Variants in PPP2R2B observed in about 807,000 individuals in gnomAD.
PPP2R2B encodes serine/threonine-protein phosphatase 2A 55 kDa regulatory subunit B beta isoform.
Under a neutral mutation model 46.0 loss-of-function variants are expected in PPP2R2B, and 5 were observed. The ratio of observed to expected loss-of-function variants is 0.11; its 90% confidence interval spans 0.06 to 0.23. The LOEUF (loss-of-function observed/expected upper bound fraction) is 0.23, where lower values mean the gene tolerates loss of function less well. Ranked by LOEUF, PPP2R2B falls within the 10% of genes least tolerant of loss-of-function variation. The probability of loss-of-function intolerance (pLI) is 1.00; values close to 1 mark genes in which losing one functional copy is unlikely to be tolerated. For synonymous variants in PPP2R2B, 215 were observed against 206.7 expected, an observed-to-expected ratio of 1.04 and a Z score of -0.34; for missense variants, 367 against 575.0, an observed-to-expected ratio of 0.64 and a Z score of 3.70.
At chr5:147,018,573 G>A (rs963983191) in intron 1 of PPP2R2B, among the ~76,000 whole-genome samples, 2 of 152,148 alleles carry the variant, frequency 1.3e-5, no homozygotes, top group Admixed American at 1.3e-4. Flanking sequence ...GAAATGTTAT[G>A]TATCTAGATT....
intron 1 of PPP2R2B, among the ~76,000 whole-genome samples, chr5:146,934,304 T>A (rs1205988104): frequency 6.6e-6 from 1 of 151,362 alleles, no homozygotes; most frequent in East Asian, 1.9e-4. Context: ...ACCAACAGTG[T>A]AAAAGTGTTC....
chr5:146,600,201 G>T, intron 8 of PPP2R2B, 90 bp downstream of exon 8: 1 of 1,377,812 alleles, frequency 7.3e-7, no homozygotes, highest in Non-Finnish European at 1.0e-6. Context: ...CTTCCATTTT[G>T]CTGCACTGTA....
intron 1 of PPP2R2B, among the ~76,000 whole-genome samples, chr5:147,018,450 A>T (rs1215313932): frequency 6.6e-6 from 1 of 152,196 alleles, no homozygotes; most frequent in Admixed American, 6.5e-5. Context: ...TCTCTTTAAA[A>T]GATCTCATTT....
intron 1 of PPP2R2B, among the ~76,000 whole-genome samples, chr5:146,922,744 T>G (rs1037071140): frequency 5.9e-5 from 9 of 152,160 alleles, no homozygotes; most frequent in African/African-American, 2.2e-4. Context: ...CTGGGTGGTT[T>G]AAGCCCATCA....
chr5:146,874,883 C>G (rs1162766421), intron 2 of PPP2R2B, among the ~76,000 whole-genome samples: 1 of 152,126 alleles, frequency 6.6e-6, no homozygotes, highest in Non-Finnish European at 1.5e-5. Context: ...CAACCCTACC[C>G]AAGGCCCTTC....
intron 1 of PPP2R2B, among the ~76,000 whole-genome samples, chr5:147,036,335 G>A (rs1389137818): frequency 1.3e-5 from 2 of 152,130 alleles, no homozygotes; most frequent in East Asian, 3.9e-4. Flanking sequence ...TCCCTGAAAA[G>A]GACATGATCT....
At chr5:147,068,900 G>A (rs951911293) in intron 2 of PPP2R2B, among the ~76,000 whole-genome samples, 4 of 152,154 alleles carry the variant, frequency 2.6e-5, no homozygotes, top group Non-Finnish European at 5.9e-5. Flanking sequence ...AAACGACTGT[G>A]CCATAATTTT....
upstream of PPP2R2B, among the ~76,000 whole-genome samples, chr5:146,880,839 C>G (rs1762142889): frequency 6.6e-6 from 1 of 152,152 alleles, no homozygotes; most frequent in Admixed American, 6.5e-5. Flanking sequence ...AGGCATTTTT[C>G]CTAAGACACA....
In PPP2R2B at chr5:146,585,698, G is replaced by GGAGATAAT. The variant is rs900456037; in HGVS notation, c.*4241_*4248dup. 2.0e-5 allele frequency: 3 copies of GGAGATAAT among 152,296 alleles called. No homozygotes were observed. The highest frequency in any genetic ancestry group is 7.2e-5 in the African/African-American group (3 of 41,560). 9.4% of individuals were successfully genotyped at this position (152,296 alleles called of 1,614,324 possible). Reference sequence around the variant, plus strand: ...TAATGCCACCATGGGGTCTGGGAGAGGAGATAATGAGATGAGGCATGGAAA... The same window carrying GGAGATAAT: ...TAATGCCACCATGGGGTCTGGGAGAGGAGATAATGAGATAATGAGATGAGGCATGGAAA... On this transcript the variant is annotated 3_prime_UTR_variant, in exon 10 of 10. Transcript: ENST00000394411.
intron 2 of PPP2R2B, among the ~76,000 whole-genome samples, chr5:147,077,307 CA>C (rs1561616432): frequency 1.7e-3 from 231 of 138,820 alleles, no homozygotes; most frequent in Middle Eastern, 7.4e-3. Context: ...CACACACACA[CA>C]CACCCACACC....
At chr5:146,888,811 C>T (rs1762406724) in intron 1 of PPP2R2B, among the ~76,000 whole-genome samples, 1 of 152,166 alleles carries the variant, frequency 6.6e-6, no homozygotes, top group South Asian at 2.1e-4. Flanking sequence ...TCTTATGTTC[C>T]CTCTCTTTCA....
At position 146,943,545 on chromosome 5, in the gene PPP2R2B, G is replaced by T. The variant is rs146332113; in HGVS notation, c.79+112120C>A. The stretch of plus-strand genomic sequence containing the variant: ...GTTAATCTTGACTCCATTTTAATGT[G>T]TTTTCTTTAAATTGCAATCTTGGCA... On this transcript the variant is annotated intron_variant, in intron 1 of 8. Transcript: ENST00000336640. Among the ~76,000 whole-genome samples, 200 of 152,214 alleles carry T rather than the reference G, an allele frequency of 1.3e-3. 1 individual carries two copies. Among genetic ancestry groups the T allele is most frequent in the Middle Eastern group, 3.4e-3 (1 of 294 alleles).
intron 7 of PPP2R2B, chr5:146,607,157 T>C (rs1772370753): frequency 6.6e-6 from 1 of 152,186 alleles, no homozygotes; most frequent in Non-Finnish European, 1.5e-5. Context: ...ATTTTTACTA[T>C]ACAGAAGACA....
rs542251663 is a variant in PPP2R2B at position 146,838,170 on chromosome 5, T to G, written c.70+39832A>C. Among the ~76,000 whole-genome samples the G allele has an allele frequency of 2.0e-5, 3 of 152,280 alleles. No individual in the cohort carries two copies. In the South Asian group the frequency reaches 6.2e-4, roughly 32 times the overall value. On this transcript the variant is annotated intron_variant, in intron 2 of 9. Transcript: ENST00000394411. ...ACCCTGTGTTGGTATTTGCATATAG[T>G]CTCTAATACTTATATTGTGACAAAC...
Position 147,040,641 on chromosome 5 carries a change from G to A in PPP2R2B, c.79+15024C>T, listed in dbSNP as rs1015798209. The A allele has an allele frequency of 6.0e-5, 23 of 385,348 alleles. 1 individual carries two copies. The Middle Eastern group carries it at 1.1e-3, about 18-fold the overall frequency. The allele number at this position is 385,348 out of a possible 1,614,324, so 23.9% of individuals were successfully genotyped here. On this transcript the variant is annotated intron_variant, in intron 1 of 8. Transcript: ENST00000336640. The stretch of plus-strand genomic sequence containing the variant: ...CTTAGTGATGCTTCAGGGGCTCAGT[G>A]TGAGCAAACATGTAACATATACCCT...
chr5:147,061,286 G>A (rs1246534369), intron 2 of PPP2R2B, among the ~76,000 whole-genome samples: 1 of 152,108 alleles, frequency 6.6e-6, no homozygotes, highest in African/African-American at 2.4e-5. Context: ...AGTGGGACAT[G>A]GATTAGAGAG....
At chr5:146,686,078 C>A (rs572720164) in intron 5 of PPP2R2B, among the ~76,000 whole-genome samples, 34 of 152,178 alleles carry the variant, frequency 2.2e-4, no homozygotes, top group Admixed American at 5.2e-4. Flanking sequence ...CCAGCTCTTC[C>A]GTTTTCTAGC....
chr5:146,916,161 C>T (rs1763377097), intron 1 of PPP2R2B, among the ~76,000 whole-genome samples: 1 of 152,250 alleles, frequency 6.6e-6, no homozygotes. Context: ...TGTTTTGAAA[C>T]ACCACATTAC....
intron 2 of PPP2R2B, among the ~76,000 whole-genome samples, chr5:146,821,723 T>A (rs1354727892): frequency 6.6e-6 from 1 of 151,218 alleles, no homozygotes; most frequent in African/African-American, 2.4e-5. Context: ...TAAGACTCAA[T>A]AAAATGGCAA....
Sources: gnomAD v4.1 joint callset for allele counts (sites outside exome capture counted in the v4.1 genomes callset) on GRCh38, gnomAD v4.1.1 for gene constraint, MANE v1.5 for transcripts, NCBI Gene and HGNC (gene_info 2026-07-23, HGNC 2026-07-21) for gene names.